VSTM2L: variants seen among roughly 807,000 people sequenced by gnomAD.
VSTM2L encodes the protein V-set and transmembrane domain containing 2 like, also known as V-set and transmembrane domain-containing protein 2-like protein.
VSTM2L carries 9 observed loss-of-function variants against 19.9 expected under a neutral mutation model. That is an observed-to-expected ratio of 0.45 (90% confidence interval 0.27 to 0.79). VSTM2L has a LOEUF of 0.79. VSTM2L is among the 30% of genes least tolerant of loss of function. The probability of loss-of-function intolerance (pLI) is 0.15; values close to 1 mark genes in which losing one functional copy is unlikely to be tolerated. For missense variants in VSTM2L, 286 were observed against 295.5 expected, an observed-to-expected ratio of 0.97 and a Z score of 0.24; for synonymous variants, 127 against 133.8, an observed-to-expected ratio of 0.95 and a Z score of 0.35.
chr20:37,908,898 T>C (rs1483108414), intron 1 of VSTM2L, among the ~76,000 whole-genome samples: 1 of 152,224 alleles, frequency 6.6e-6, no homozygotes, highest in Non-Finnish European at 1.5e-5. Context: ...AATGGTATCA[T>C]CTCATTCAAT....
chr20:37,928,755 A>T (rs187568402), intron 1 of VSTM2L, among the ~76,000 whole-genome samples: 86 of 152,294 alleles, frequency 5.6e-4, no homozygotes, highest in Middle Eastern at 6.8e-3. Flanking sequence ...ACCCTGTCTC[A>T]AAAATAAAAT....
At chr20:37,942,498 G>A (rs1477307374) in intron 3 of VSTM2L, among the ~76,000 whole-genome samples, 1 of 152,160 alleles carries the variant, frequency 6.6e-6, no homozygotes, top group Non-Finnish European at 1.5e-5. Context: ...ACAAATAGAT[G>A]CAGGCAGCAA....
intron 1 of VSTM2L, among the ~76,000 whole-genome samples, chr20:37,920,629 G>T (rs917769702): frequency 6.6e-6 from 1 of 152,238 alleles, no homozygotes. Context: ...GCCAGGAGGA[G>T]AGGGACAGTG....
intron 3 of VSTM2L, among the ~76,000 whole-genome samples, chr20:37,942,989 G>A (rs139028214): frequency 1.9e-4 from 29 of 152,218 alleles, no homozygotes; most frequent in African/African-American, 7.0e-4. Context: ...TTTTGAGACG[G>A]AGTCTCGCGC....
chr20:37,921,824 CTTTCTTTCTTTT>C (rs2072852868), intron 1 of VSTM2L, among the ~76,000 whole-genome samples: 1 of 122,926 alleles, frequency 8.1e-6, no homozygotes, highest in Non-Finnish European at 1.7e-5. Flanking sequence ...TTCTCTCTTT[CTTTCTTTCTTTT>C]CCTTTTTTTT....
chr20:37,926,169 C>G (rs1481193561), intron 1 of VSTM2L, among the ~76,000 whole-genome samples: 3 of 152,188 alleles, frequency 2.0e-5, no homozygotes, highest in African/African-American at 7.2e-5. Context: ...TCAAGCAATT[C>G]TCCTGCCTCA....
At chr20:37,915,764 T>G (rs2072814881) in intron 1 of VSTM2L, among the ~76,000 whole-genome samples, 1 of 151,176 alleles carries the variant, frequency 6.6e-6, no homozygotes, top group African/African-American at 2.4e-5. Flanking sequence ...AGGTCCTGGG[T>G]GGGGGGTCAG....
chr20:37,925,919 C>T (rs1445238388), intron 1 of VSTM2L, among the ~76,000 whole-genome samples: 1 of 152,232 alleles, frequency 6.6e-6, no homozygotes, highest in Admixed American at 6.5e-5. Context: ...GGCAACACCT[C>T]CTCCAGGAAG....
intron 1 of VSTM2L, among the ~76,000 whole-genome samples, chr20:37,927,179 G>T (rs1010682304): frequency 2.0e-5 from 3 of 152,188 alleles, no homozygotes; most frequent in Admixed American, 2.0e-4. Context: ...TGGCCAGGCT[G>T]GTCTTGAACT....
chr20:37,934,258 G>T (rs1026202939), intron 3 of VSTM2L, among the ~76,000 whole-genome samples: 3 of 152,216 alleles, frequency 2.0e-5, no homozygotes, highest in African/African-American at 7.2e-5. Context: ...AGTTCAGGGA[G>T]TGACGGCTTT....
intron 1 of VSTM2L, among the ~76,000 whole-genome samples, chr20:37,919,728 T>C (rs2072840130): frequency 6.6e-6 from 1 of 152,202 alleles, no homozygotes; most frequent in African/African-American, 2.4e-5. Flanking sequence ...CCCCAGAGAA[T>C]CACACTTTTT....
rs1205486279 is a variant in VSTM2L, at chr20:37,944,931, G to A, written c.*678G>A. 109 of 985,770 alleles carry A rather than the reference G, an allele frequency of 1.1e-4. 1 individual carries two copies. Among genetic ancestry groups the A allele is most frequent in the Non-Finnish European group, 1.3e-4 (106 of 830,014 alleles). The allele number at this position is 985,770 out of a possible 1,614,324, so 61.1% of individuals were successfully genotyped here. A position where few individuals can be genotyped will look rare whatever the true frequency, so the allele number is the denominator to read the frequency against. ...CCCTGTCACACGGCGAGTCAGAAGG[G>A]AGGGGCCTTTCCCTCGGACCCATGG... On this transcript the variant is annotated 3_prime_UTR_variant, in exon 4 of 4. Coordinates refer to ENST00000373461, the MANE Select transcript of VSTM2L (RefSeq NM_080607.3).
chr20:37,927,362 T>TTA (rs58033509), intron 1 of VSTM2L, among the ~76,000 whole-genome samples: 2 of 152,236 alleles, frequency 1.3e-5, no homozygotes, highest in African/African-American at 4.8e-5. Flanking sequence ...TGTTTTTTTT[T>TTA]ACTTTCCTTT....
At chr20:37,941,432 G>A (rs930414538) in intron 3 of VSTM2L, among the ~76,000 whole-genome samples, 2 of 151,112 alleles carry the variant, frequency 1.3e-5, no homozygotes, top group African/African-American at 4.8e-5. Flanking sequence ...TTCCCATTGG[G>A]GTGTTGACGA....
At chr20:37,906,503 G>A (rs953688437) in intron 1 of VSTM2L, among the ~76,000 whole-genome samples, 2 of 152,254 alleles carry the variant, frequency 1.3e-5, no homozygotes, top group African/African-American at 4.8e-5. Context: ...AATGCCTACT[G>A]TGTGCCCCGT....
At chr20:37,931,603 C>A in intron 1 of VSTM2L, 32 bp from the exon 2 acceptor site, 1 of 1,592,764 alleles carries the variant, frequency 6.3e-7, no homozygotes, top group East Asian at 2.2e-5. Flanking sequence ...GTTTCCTGAG[C>A]CCCGCCATTC....
chr20:37,938,525 C>A (rs745692412), intron 3 of VSTM2L, among the ~76,000 whole-genome samples: 1 of 152,198 alleles, frequency 6.6e-6, no homozygotes, highest in East Asian at 1.9e-4. Context: ...ATTCTTCTGG[C>A]GTGGCTGGAA....
In VSTM2L at chr20:37,931,532, C is replaced by T. The variant is rs923688118; in HGVS notation, c.122-103C>T. The stretch of plus-strand genomic sequence containing the variant: ...GGTCACCCCACCCCCTCCACCCATC[C>T]CCCGCCGTGCAGGGCCAGCTGTTCC... On this transcript the variant is annotated intron_variant, in intron 1 of 3. Transcript: ENST00000373461. The T allele has an allele frequency of 2.3e-5, 31 of 1,332,676 alleles. No homozygotes were observed. The African/African-American group carries it at 4.1e-4, about 17-fold the overall frequency. The allele number at this position is 1,332,676 out of a possible 1,614,324, so 82.6% of individuals were successfully genotyped here. A position where few individuals can be genotyped will look rare whatever the true frequency, so the allele number is the denominator to read the frequency against.
intron 1 of VSTM2L, among the ~76,000 whole-genome samples, chr20:37,914,616 C>G (rs902458460): frequency 2.0e-5 from 3 of 151,924 alleles, no homozygotes; most frequent in Non-Finnish European, 4.4e-5. Context: ...GCTCTCTTCC[C>G]GTCTCCCGGC....
Sources: gnomAD v4.1 joint callset for allele counts (sites outside exome capture counted in the v4.1 genomes callset) on GRCh38, gnomAD v4.1.1 for gene constraint, MANE v1.5 for transcripts, NCBI Gene and HGNC (gene_info 2026-07-23, HGNC 2026-07-21) for gene names.